Variants in HEMK2 observed in about 807,000 individuals in gnomAD.
HEMK2 encodes methyltransferase HEMK2.
At chr21:28,813,462 C>T in the HEMK2 span, among the ~76,000 whole-genome samples, 174 of 152,154 alleles carry the variant, frequency 1.1e-3, no homozygotes, top group Admixed American at 1.8e-3. Context: ...TCCATGTTCA[C>T]GGATAGGAAG....
the HEMK2 span, among the ~76,000 whole-genome samples, chr21:28,858,475 G>A: frequency 6.6e-6 from 1 of 152,096 alleles, no homozygotes; most frequent in Non-Finnish European, 1.5e-5. Context: ...CCCGTTTCAG[G>A]AGACTTGCTT....
At chr21:28,615,687 C>T in the HEMK2 span, among the ~76,000 whole-genome samples, 1 of 152,140 alleles carries the variant, frequency 6.6e-6, no homozygotes, top group Non-Finnish European at 1.5e-5. Flanking sequence ...AAATCTTGTA[C>T]TGGAAAACCC....
chr21:28,726,869 T>TAAAAAAAAAAAA, the HEMK2 span, among the ~76,000 whole-genome samples: 1 of 130,274 alleles, frequency 7.7e-6, no homozygotes. Context: ...GGACCCTATC[T>TAAAAAAAAAAAA]AAAAAAAAAA....
the HEMK2 span, among the ~76,000 whole-genome samples, chr21:28,804,014 C>T: frequency 1.3e-5 from 2 of 152,206 alleles, no homozygotes; most frequent in Non-Finnish European, 2.9e-5. Flanking sequence ...ATGACTGTAG[C>T]ATATTCCTCA....
the HEMK2 span, among the ~76,000 whole-genome samples, chr21:28,674,175 A>T: frequency 2.6e-3 from 399 of 152,304 alleles, 1 homozygote; most frequent in African/African-American, 8.9e-3. Flanking sequence ...GCGCCATGAC[A>T]GTTTACAGAT....
At chr21:28,786,730 C>T in the HEMK2 span, among the ~76,000 whole-genome samples, 10 of 150,132 alleles carry the variant, frequency 6.7e-5, no homozygotes, top group Middle Eastern at 7.2e-3. Flanking sequence ...TTGCCAGATA[C>T]ATTAATATAA....
At chr21:28,590,215 T>C in the HEMK2 span, among the ~76,000 whole-genome samples, 3 of 152,164 alleles carry the variant, frequency 2.0e-5, no homozygotes, top group African/African-American at 7.2e-5. Flanking sequence ...ATGGGTAAGA[T>C]TGATAAGAAA....
chr21:28,634,667 T>G, the HEMK2 span, among the ~76,000 whole-genome samples: 3 of 152,178 alleles, frequency 2.0e-5, no homozygotes, highest in African/African-American at 7.2e-5. Context: ...TTGGGGTAGT[T>G]GTGTGACTTA....
At chr21:28,777,879 T>C in the HEMK2 span, among the ~76,000 whole-genome samples, 2 of 152,104 alleles carry the variant, frequency 1.3e-5, no homozygotes, top group Non-Finnish European at 2.9e-5. Context: ...CTAAAGAAAA[T>C]TTCCTAAATT....
At chr21:28,801,714 A>C in the HEMK2 span, among the ~76,000 whole-genome samples, 5 of 152,244 alleles carry the variant, frequency 3.3e-5, no homozygotes, top group East Asian at 1.9e-4. Context: ...GATTAGGTTA[A>C]ATCATATGAA....
At chr21:28,675,223 G>A in the HEMK2 span, among the ~76,000 whole-genome samples, 28 of 151,890 alleles carry the variant, frequency 1.8e-4, no homozygotes, top group East Asian at 3.9e-4. Context: ...CAATGATTAC[G>A]GAAGTGAAAT....
At chr21:28,588,807 C>A in the HEMK2 span, among the ~76,000 whole-genome samples, 1 of 151,884 alleles carries the variant, frequency 6.6e-6, no homozygotes, top group East Asian at 1.9e-4. Context: ...CACGCTGAAA[C>A]CCTGTCTCTA....
At chr21:28,727,562 T>C in the HEMK2 span, among the ~76,000 whole-genome samples, 3 of 152,260 alleles carry the variant, frequency 2.0e-5, no homozygotes, top group South Asian at 2.1e-4. Flanking sequence ...ACATCCATTA[T>C]GGATGCTATA....
At chr21:28,592,575 A>C in the HEMK2 span, among the ~76,000 whole-genome samples, 1 of 152,258 alleles carries the variant, frequency 6.6e-6, no homozygotes, top group Non-Finnish European at 1.5e-5. Context: ...ATTCTTAAGG[A>C]GGCAGACGAC....
chr21:28,618,460 C>T, the HEMK2 span, among the ~76,000 whole-genome samples: 6 of 152,108 alleles, frequency 3.9e-5, no homozygotes, highest in African/African-American at 1.4e-4. Context: ...AAATCATTCT[C>T]TACTATAAAT....
the HEMK2 span, among the ~76,000 whole-genome samples, chr21:28,739,631 A>C: frequency 6.6e-6 from 1 of 152,228 alleles, no homozygotes; most frequent in African/African-American, 2.4e-5. Context: ...GTCTAAACAG[A>C]ACTTTCTGTG....
the HEMK2 span, among the ~76,000 whole-genome samples, chr21:28,636,221 A>G: frequency 6.6e-6 from 1 of 152,088 alleles, no homozygotes. Flanking sequence ...TCATCCTGTA[A>G]CTTTTTATCC....
the HEMK2 span, among the ~76,000 whole-genome samples, chr21:28,734,461 G>A: frequency 6.6e-6 from 1 of 152,146 alleles, no homozygotes. Context: ...ATGGTGAAAA[G>A]GTGAGTTGGT....
the HEMK2 span, among the ~76,000 whole-genome samples, chr21:28,653,726 T>C: frequency 6.6e-6 from 1 of 152,170 alleles, no homozygotes. Context: ...GGACCCCTGA[T>C]ACAAGCACTG....
Sources: allele counts gnomAD v4.1 joint callset (sites outside exome capture counted in the v4.1 genomes callset), GRCh38; gene constraint gnomAD v4.1.1; transcripts MANE v1.5; gene names NCBI Gene and HGNC (gene_info 2026-07-23, HGNC 2026-07-21).